Variants in EYA1 observed in about 807,000 individuals in gnomAD.
EYA1 encodes EYA transcriptional coactivator and phosphatase 1, also known as protein phosphatase EYA1.
A neutral mutation model predicts 82.0 loss-of-function variants in EYA1; 16 were observed. The observed-to-expected ratio is 0.20, with a 90% CI of 0.13 to 0.30. The LOEUF (loss-of-function observed/expected upper bound fraction) is 0.30, where lower values mean the gene tolerates loss of function less well. EYA1 is among the 10% of genes least tolerant of loss of function. The pLI is 1.00. For synonymous variants in EYA1, 261 were observed against 264.4 expected, an observed-to-expected ratio of 0.99 and a Z score of 0.12; for missense variants, 633 against 730.7, an observed-to-expected ratio of 0.87 and a Z score of 1.54.
intron 12 of EYA1, among the ~76,000 whole-genome samples, chr8:71,226,367 A>G (rs1048331063): frequency 6.6e-6 from 1 of 152,010 alleles, no homozygotes; most frequent in Admixed American, 6.6e-5. Context: ...GTTAATAAAT[A>G]TGATATGTCA....
intron 11 of EYA1, among the ~76,000 whole-genome samples, chr8:71,251,043 A>G (rs1414884265): frequency 6.6e-6 from 1 of 152,204 alleles, no homozygotes; most frequent in African/African-American, 2.4e-5. Context: ...TCACTAGTAA[A>G]TGCTATCTAC....
chr8:71,346,456 C>CA (rs1563507906), intron 3 of EYA1, among the ~76,000 whole-genome samples: 1 of 101,820 alleles, frequency 9.8e-6, no homozygotes, highest in East Asian at 3.7e-4. Flanking sequence ...ATATATATAT[C>CA]TATATATATC....
At chr8:71,279,090 A>G (rs1817527210) in intron 9 of EYA1, among the ~76,000 whole-genome samples, 1 of 152,246 alleles carries the variant, frequency 6.6e-6, no homozygotes, top group Non-Finnish European at 1.5e-5. Context: ...CTAAGACAAT[A>G]TAGCTTACAA....
At chr8:71,314,252 G>A (rs953339210) in intron 7 of EYA1, among the ~76,000 whole-genome samples, 3 of 152,064 alleles carry the variant, frequency 2.0e-5, no homozygotes, top group African/African-American at 4.8e-5. Context: ...ACAGACTCCC[G>A]CAACTAGGTG....
At chr8:71,446,454 G>A (rs945345099) in intron 2 of EYA1, among the ~76,000 whole-genome samples, 1 of 152,138 alleles carries the variant, frequency 6.6e-6, no homozygotes, top group Non-Finnish European at 1.5e-5. Flanking sequence ...GCAGAACTGT[G>A]AGTCAATTAA....
intron 2 of EYA1, among the ~76,000 whole-genome samples, chr8:71,493,438 T>C (rs7828769): frequency 0.32 from 48,893 of 152,018 alleles, 8,118 homozygotes; most frequent in South Asian, 0.46. Context: ...AGTAATACAA[T>C]AGCCATTTGT....
At chr8:71,331,177 C>T (rs562369751) in intron 4 of EYA1, among the ~76,000 whole-genome samples, 6 of 149,052 alleles carry the variant, frequency 4.0e-5, no homozygotes, top group Non-Finnish European at 5.9e-5. Context: ...TGCAGTGAGC[C>T]GAGATCACAC....
chr8:71,489,699 T>G (rs1317989641), intron 2 of EYA1, among the ~76,000 whole-genome samples: 1 of 152,368 alleles, frequency 6.6e-6, no homozygotes, highest in Non-Finnish European at 1.5e-5. Flanking sequence ...AACACATTTT[T>G]AATCCATGAA....
At chr8:71,289,618 C>T (rs1283086335) in intron 9 of EYA1, among the ~76,000 whole-genome samples, 1 of 152,162 alleles carries the variant, frequency 6.6e-6, no homozygotes, top group Non-Finnish European at 1.5e-5. Context: ...GTCAAGCTTC[C>T]AGAGGTTTAA....
chr8:71,348,118 T>C (rs1825936357), intron 3 of EYA1, among the ~76,000 whole-genome samples: 1 of 152,262 alleles, frequency 6.6e-6, no homozygotes, highest in Admixed American at 6.5e-5. Flanking sequence ...ATTTGTAACA[T>C]GTATGTATTT....
At chr8:71,469,435 A>T (rs1430474810) in intron 2 of EYA1, among the ~76,000 whole-genome samples, 1 of 152,056 alleles carries the variant, frequency 6.6e-6, no homozygotes, top group Non-Finnish European at 1.5e-5. Context: ...CCTATCTCAC[A>T]GCATTGTTGT....
intron 2 of EYA1, among the ~76,000 whole-genome samples, chr8:71,527,544 C>T (rs1036117896): frequency 6.6e-5 from 10 of 152,192 alleles, no homozygotes; most frequent in African/African-American, 2.4e-4. Context: ...CAACTGTAGA[C>T]CCACCTTGCG....
chr8:71,312,626 C>T (rs780960130), intron 7 of EYA1, among the ~76,000 whole-genome samples: 24 of 152,108 alleles, frequency 1.6e-4, no homozygotes, highest in African/African-American at 7.2e-5. Context: ...TTAATAGAGA[C>T]GGGGTTTTGC....
At chr8:71,306,553 T>C (rs1388959846) in intron 7 of EYA1, among the ~76,000 whole-genome samples, 1 of 152,042 alleles carries the variant, frequency 6.6e-6, no homozygotes. Flanking sequence ...CAGGAGAATA[T>C]TATAACCAGG....
chr8:71,539,519 A>G (rs562253201), intron 1 of EYA1, among the ~76,000 whole-genome samples: 26 of 152,298 alleles, frequency 1.7e-4, no homozygotes, highest in African/African-American at 6.3e-4. Context: ...AAGGCCTCCC[A>G]GACAACAAGG....
chr8:71,373,451 T>A (rs1254839143), intron 2 of EYA1, among the ~76,000 whole-genome samples: 1 of 152,002 alleles, frequency 6.6e-6, no homozygotes, highest in Non-Finnish European at 1.5e-5. Context: ...ATCCGTACAT[T>A]GAAAATTATA....
intron 2 of EYA1, among the ~76,000 whole-genome samples, chr8:71,522,769 C>A (rs1183410760): frequency 6.6e-6 from 1 of 152,002 alleles, no homozygotes; most frequent in African/African-American, 2.4e-5. Flanking sequence ...GCCACCACAC[C>A]TGGCTAATGT....
chr8:71,525,927 C>A (rs148832648), intron 2 of EYA1, among the ~76,000 whole-genome samples: 1 of 152,136 alleles, frequency 6.6e-6, no homozygotes, highest in Non-Finnish European at 1.5e-5. Flanking sequence ...TGCAAAATAG[C>A]GAAAGGACTG....
At chr8:71,508,562 A>G (rs1198349432) in intron 2 of EYA1, among the ~76,000 whole-genome samples, 1 of 152,160 alleles carries the variant, frequency 6.6e-6, no homozygotes, top group Admixed American at 6.5e-5. Context: ...TTGGGAAATG[A>G]TTCTGTCATG....
Sources: gnomAD v4.1 joint callset for allele counts (sites outside exome capture counted in the v4.1 genomes callset) on GRCh38, gnomAD v4.1.1 for gene constraint, MANE v1.5 for transcripts, NCBI Gene and HGNC (gene_info 2026-07-23, HGNC 2026-07-21) for gene names.